Variants in GARIN1A observed in about 807,000 individuals in gnomAD.
GARIN1A encodes Golgi-associated RAB2 interactor protein 1A.
chr7:128,675,739 C>A, the GARIN1A span: 1 of 1,613,900 alleles, frequency 6.2e-7, no homozygotes, highest in East Asian at 2.2e-5. Context: ...CTCGGGGTCA[C>A]CTCCTCGGTG....
At chr7:128,677,836 C>G in the GARIN1A span, 2 of 1,602,156 alleles carry the variant, frequency 1.2e-6, no homozygotes, top group Non-Finnish European at 1.7e-6. Flanking sequence ...CCTTCCGGGA[C>G]CTGTCGAGAA....
the GARIN1A span, among the ~76,000 whole-genome samples, chr7:128,707,924 T>TCCTTCCTTC: frequency 6.6e-6 from 1 of 151,872 alleles, no homozygotes; most frequent in African/African-American, 2.4e-5. Flanking sequence ...TTCCTTCCTT[T>TCCTTCCTTC]CCTTCCTTCC....
the GARIN1A span, among the ~76,000 whole-genome samples, chr7:128,682,215 C>A: frequency 1.3e-5 from 2 of 152,182 alleles, no homozygotes; most frequent in South Asian, 4.1e-4. Context: ...TTACAAAGGA[C>A]TCTCTCCCCA....
the GARIN1A span, among the ~76,000 whole-genome samples, chr7:128,698,351 C>T: frequency 6.6e-6 from 1 of 152,156 alleles, no homozygotes; most frequent in South Asian, 2.1e-4. Context: ...TCTTCCCACA[C>T]CTTCTCCTCA....
At chr7:128,693,044 T>C in the GARIN1A span, among the ~76,000 whole-genome samples, 1 of 152,244 alleles carries the variant, frequency 6.6e-6, no homozygotes, top group South Asian at 2.1e-4. Flanking sequence ...CTACAGATAG[T>C]CTAAGAGAAG....
At chr7:128,675,571 G>A in the GARIN1A span, 2 of 1,190,104 alleles carry the variant, frequency 1.7e-6, no homozygotes, top group Non-Finnish European at 1.2e-6. Flanking sequence ...CCAGCCCAGT[G>A]TGTGCACACC....
At chr7:128,690,793 T>C in the GARIN1A span, 1 of 151,966 alleles carries the variant, frequency 6.6e-6, no homozygotes, top group African/African-American at 2.4e-5. Flanking sequence ...GAAGGCAATA[T>C]CCAGGTGAAG....
At chr7:128,683,234 G>A in the GARIN1A span, 1 of 1,170,886 alleles carries the variant, frequency 8.5e-7, no homozygotes, top group African/African-American at 1.6e-5. Flanking sequence ...TTTCCACTGT[G>A]AGCCAAGTGA....
the GARIN1A span, among the ~76,000 whole-genome samples, chr7:128,703,008 T>C: frequency 0.019 from 2,903 of 152,308 alleles, 43 homozygotes; most frequent in South Asian, 0.051. Flanking sequence ...TAGTTTTGAA[T>C]GTGCAAGCAT....
the GARIN1A span, among the ~76,000 whole-genome samples, chr7:128,695,024 G>A: frequency 1.3e-5 from 2 of 152,148 alleles, no homozygotes; most frequent in African/African-American, 2.4e-5. The surrounding 1 kb of genome is among the most constrained non-coding windows in gnomAD (Gnocchi z 4.5). Context: ...CCAGTCTCAC[G>A]TTTAGCTGCA....
the GARIN1A span, chr7:128,684,302 C>G: frequency 6.6e-6 from 1 of 152,210 alleles, no homozygotes; most frequent in African/African-American, 2.4e-5. Flanking sequence ...CTTTGTGTTG[C>G]TCCACTATAT....
the GARIN1A span, chr7:128,672,648 G>GT: frequency 1.4e-6 from 1 of 709,210 alleles, no homozygotes; most frequent in South Asian, 2.1e-5. Flanking sequence ...AGCCCTGGGG[G>GT]AGGGGGGGGC....
At chr7:128,689,626 CCT>C in the GARIN1A span, among the ~76,000 whole-genome samples, 6 of 139,990 alleles carry the variant, frequency 4.3e-5, no homozygotes, top group East Asian at 2.2e-4. Context: ...GTGAGGAGCC[CCT>C]CCGCCCGGCA....
the GARIN1A span, among the ~76,000 whole-genome samples, chr7:128,676,730 G>A: frequency 2.0e-5 from 3 of 151,422 alleles, no homozygotes; most frequent in African/African-American, 2.4e-5. Context: ...TTGCCCTTTC[G>A]ACACAGTAAG....
the GARIN1A span, chr7:128,686,483 T>C: frequency 6.6e-6 from 1 of 152,198 alleles, no homozygotes; most frequent in Non-Finnish European, 1.5e-5. Context: ...AGCCAGTCTG[T>C]CTAACTCCAA....
chr7:128,694,349 T>C, the GARIN1A span, among the ~76,000 whole-genome samples: 3 of 151,998 alleles, frequency 2.0e-5, no homozygotes, highest in Admixed American at 1.3e-4. Flanking sequence ...CTAGCCAACA[T>C]GGTGAAACCC....
chr7:128,680,714 G>A, the GARIN1A span, among the ~76,000 whole-genome samples: 3 of 152,024 alleles, frequency 2.0e-5, no homozygotes, highest in Non-Finnish European at 2.9e-5. Context: ...ACAGGCGACC[G>A]CCACCACACC....
chr7:128,677,618 C>T, the GARIN1A span: 1 of 1,613,710 alleles, frequency 6.2e-7, no homozygotes, highest in Non-Finnish European at 8.5e-7. Flanking sequence ...TCCAGCGCAT[C>T]CTGAGGGTTA....
the GARIN1A span, among the ~76,000 whole-genome samples, chr7:128,708,694 G>T: frequency 1.3e-5 from 2 of 152,138 alleles, no homozygotes; most frequent in Non-Finnish European, 2.9e-5. Context: ...GCTATCTCCA[G>T]ATTTTATGTC....
Sources: allele counts gnomAD v4.1 joint callset (sites outside exome capture counted in the v4.1 genomes callset), GRCh38; gene constraint gnomAD v4.1.1; non-coding constraint Gnocchi (gnomAD v3.1); transcripts MANE v1.5; gene names NCBI Gene and HGNC (gene_info 2026-07-23, HGNC 2026-07-21).